SLC44A5: variants seen among roughly 807,000 people sequenced by gnomAD.
The protein encoded by SLC44A5 is solute carrier family 44 member 5.
A neutral mutation model predicts 101.8 loss-of-function variants in SLC44A5; 57 were observed. The ratio of observed to expected loss-of-function variants is 0.56; its 90% CI spans 0.45 to 0.70. The LOEUF is 0.70. SLC44A5 is among the 30% of genes least tolerant of loss of function. The probability of loss-of-function intolerance (pLI) is 0.00; values close to 1 mark genes in which losing one functional copy is unlikely to be tolerated. For missense variants in SLC44A5, 737 were observed against 853.1 expected, an observed-to-expected ratio of 0.86 and a Z score of 1.70; for synonymous variants, 281 against 290.9, an observed-to-expected ratio of 0.97 and a Z score of 0.35.
chr1:75,631,975 C>G, the SLC44A5 span, among the ~76,000 whole-genome samples: 2 of 152,134 alleles, frequency 1.3e-5, no homozygotes, highest in Non-Finnish European at 2.9e-5. Context: ...CAGTATCACT[C>G]ATCCTTATTT....
chr1:75,316,330 C>T (rs1308659800), intron 4 of SLC44A5, among the ~76,000 whole-genome samples: 1 of 152,164 alleles, frequency 6.6e-6, no homozygotes, highest in Non-Finnish European at 1.5e-5. Flanking sequence ...GGCTATCTGC[C>T]TTGAAAGCTC....
chr1:75,542,897 T>G (rs1287719591), intron 1 of SLC44A5, among the ~76,000 whole-genome samples: 1 of 152,200 alleles, frequency 6.6e-6, no homozygotes, highest in Non-Finnish European at 1.5e-5. Context: ...AAGTAAAACT[T>G]CCTTCCATTC....
At chr1:75,641,875 T>C in the SLC44A5 span, 2 of 1,552,412 alleles carry the variant, frequency 1.3e-6, no homozygotes, top group South Asian at 2.2e-5. Context: ...CTGTGATATA[T>C]TTAAATAAGG....
rs185244441 is a variant in SLC44A5, at chr1:75,292,514, G to A, written c.175+8098C>T. Among the ~76,000 whole-genome samples the A allele has an allele frequency of 3.5e-4, 54 of 152,186 alleles. 1 individual carries two copies. The highest frequency in any genetic ancestry group is 5.3e-4 in the Non-Finnish European group (36 of 68,016). On this transcript the variant is annotated intron_variant, in intron 5 of 23. Transcript: ENST00000370859. The stretch of plus-strand genomic sequence containing the variant: ...TGAAGGAAAGAAAACCAACTATTTA[G>A]GTGTGGATTATGATAAAGAATACAC...
intron 3 of SLC44A5, among the ~76,000 whole-genome samples, chr1:75,392,271 C>T (rs1385077693): frequency 6.6e-6 from 1 of 152,062 alleles, no homozygotes; most frequent in Admixed American, 6.6e-5. Context: ...GCAAACTATG[C>T]ACCCAACAAA....
At chr1:75,627,284 G>T in the SLC44A5 span, among the ~76,000 whole-genome samples, 1 of 152,114 alleles carries the variant, frequency 6.6e-6, no homozygotes, top group Non-Finnish European at 1.5e-5. Context: ...TAGGAACTTA[G>T]TTCCTAGTTC....
At chr1:75,368,811 T>C (rs1331618267) in intron 3 of SLC44A5, among the ~76,000 whole-genome samples, 1 of 152,224 alleles carries the variant, frequency 6.6e-6, no homozygotes, top group Admixed American at 6.5e-5. Flanking sequence ...ATGTTTACTG[T>C]TTTCACTTCT....
chr1:75,489,894 A>C (rs1019965302), intron 2 of SLC44A5, among the ~76,000 whole-genome samples: 49 of 152,254 alleles, frequency 3.2e-4, no homozygotes, highest in African/African-American at 1.2e-3. Flanking sequence ...ACTCAGCTTC[A>C]TTACACACTA....
At chr1:75,661,415 A>C in the SLC44A5 span, among the ~76,000 whole-genome samples, 1 of 117,526 alleles carries the variant, frequency 8.5e-6, no homozygotes, top group Non-Finnish European at 1.9e-5. Flanking sequence ...AAAAAAAAAA[A>C]CACCATGGAA....
chr1:75,373,379 C>T (rs1660355021), intron 3 of SLC44A5, among the ~76,000 whole-genome samples: 1 of 151,938 alleles, frequency 6.6e-6, no homozygotes, highest in Non-Finnish European at 1.5e-5. Flanking sequence ...GGCACCACAC[C>T]CCAAATACAA....
At chr1:75,684,214 C>T in the SLC44A5 span, among the ~76,000 whole-genome samples, 10 of 152,134 alleles carry the variant, frequency 6.6e-5, no homozygotes, top group Admixed American at 5.2e-4. Flanking sequence ...TCAATTATCT[C>T]CACCTGGCCC....
chr1:75,390,277 A>T (rs149737268), intron 3 of SLC44A5, among the ~76,000 whole-genome samples: 130 of 152,204 alleles, frequency 8.5e-4, no homozygotes, highest in Non-Finnish European at 1.7e-3. Flanking sequence ...CAAAAAATCA[A>T]GGAGAGGAGA....
At chr1:75,386,951 C>A (rs1200953385) in intron 3 of SLC44A5, among the ~76,000 whole-genome samples, 6 of 151,966 alleles carry the variant, frequency 3.9e-5, no homozygotes, top group Admixed American at 3.3e-4. Flanking sequence ...AAAAAACAAG[C>A]AATGGGGAAA....
At chr1:75,607,962 A>G (rs1675424565) in intron 1 of SLC44A5, among the ~76,000 whole-genome samples, 1 of 151,966 alleles carries the variant, frequency 6.6e-6, no homozygotes, top group South Asian at 2.1e-4. Flanking sequence ...CTTGTCTTAT[A>G]ACTGTAAGTT....
At chr1:75,355,883 A>C (rs1659027750) in intron 3 of SLC44A5, among the ~76,000 whole-genome samples, 1 of 152,102 alleles carries the variant, frequency 6.6e-6, no homozygotes, top group African/African-American at 2.4e-5. Context: ...AAACCCAGTA[A>C]ATTGTAAAAC....
At chr1:75,233,089 C>A (rs1278447533) in intron 12 of SLC44A5, among the ~76,000 whole-genome samples, 1 of 152,112 alleles carries the variant, frequency 6.6e-6, no homozygotes, top group African/African-American at 2.4e-5. Flanking sequence ...GAAGCTTCCA[C>A]AGGTGGTATA....
intron 2 of SLC44A5, among the ~76,000 whole-genome samples, chr1:75,466,009 C>T (rs1337012292): frequency 1.3e-5 from 2 of 152,160 alleles, no homozygotes; most frequent in Admixed American, 1.3e-4. Flanking sequence ...TGAGAGCATA[C>T]TTCCAAACTC....
At chr1:75,478,127 C>T (rs111567957) in intron 2 of SLC44A5, among the ~76,000 whole-genome samples, 1 of 152,142 alleles carries the variant, frequency 6.6e-6, no homozygotes, top group Non-Finnish European at 1.5e-5. Flanking sequence ...AATTGTCAAC[C>T]CAGAATTTCA....
intron 3 of SLC44A5, among the ~76,000 whole-genome samples, chr1:75,374,787 C>A (rs796076891): frequency 6.6e-6 from 1 of 152,162 alleles, no homozygotes; most frequent in East Asian, 1.9e-4. Context: ...TCTAAAAGCA[C>A]ATAGAAATGA....
Sources: allele counts gnomAD v4.1 joint callset (sites outside exome capture counted in the v4.1 genomes callset), GRCh38; gene constraint gnomAD v4.1.1; transcripts MANE v1.5; gene names NCBI Gene and HGNC (gene_info 2026-07-23, HGNC 2026-07-21).